CHN1: variants seen among roughly 807,000 people sequenced by gnomAD.
The protein encoded by CHN1 is N-chimaerin.
A neutral mutation model predicts 59.5 loss-of-function variants in CHN1; 37 were observed. The observed-to-expected ratio is 0.62, with a 90% CI of 0.48 to 0.82. CHN1 has a LOEUF of 0.82. Ranked by LOEUF, CHN1 falls within the 40% of genes least tolerant of loss-of-function variation. CHN1 has a pLI of 0.00. For missense variants in CHN1, 469 were observed against 571.0 expected (o/e 0.82, Z 1.82); for synonymous variants, 206 against 200.4 (o/e 1.03, Z -0.24).
chr2:174,940,533 G>GT (rs35144073), intron 3 of CHN1, among the ~76,000 whole-genome samples: 15,237 of 147,168 alleles, frequency 0.1, 1,649 homozygotes, highest in African/African-American at 0.28. Context: ...TCCCACCACT[G>GT]TTTTTTTTTT....
intron 1 of CHN1, among the ~76,000 whole-genome samples, chr2:174,967,466 C>T (rs1690627642): frequency 6.6e-6 from 1 of 152,102 alleles, no homozygotes. Flanking sequence ...AAATAATATG[C>T]TTGATGAACA....
At chr2:174,915,371 G>C (rs954529952) in intron 4 of CHN1, 200 bp from the exon 5 acceptor site, 38 of 563,470 alleles carry the variant, frequency 6.7e-5, no homozygotes, top group Non-Finnish European at 1.1e-4. Context: ...GTGGTGATAA[G>C]AACAGCACCA....
intron 3 of CHN1, among the ~76,000 whole-genome samples, chr2:174,933,908 T>C (rs1354261277): frequency 6.6e-6 from 1 of 152,282 alleles, no homozygotes; most frequent in South Asian, 2.1e-4. Flanking sequence ...GATGTGACAG[T>C]GGAAGTTTGT....
In CHN1 at chr2:174,917,203, C is replaced by T. The variant is rs1237881473; in HGVS notation, c.146+1331G>A. Among the ~76,000 whole-genome samples the T allele has an allele frequency of 2.6e-5, 4 of 152,094 alleles. No homozygotes were observed. The East Asian group carries it at 7.7e-4, about 29-fold the overall frequency. On this transcript the variant is annotated intron_variant, in intron 4 of 12. Coordinates refer to ENST00000409900, the MANE Select transcript of CHN1 (RefSeq NM_001822.7). ...ATCCCAACACTTTGGGAAGCTGAGACGGGTGGATCACCTGAGGTCAAGAGT... is the reference window on the plus strand; with the variant it reads ...ATCCCAACACTTTGGGAAGCTGAGATGGGTGGATCACCTGAGGTCAAGAGT...
intron 10 of CHN1, among the ~76,000 whole-genome samples, chr2:174,810,588 G>C (rs977102975): frequency 6.6e-6 from 1 of 152,156 alleles, no homozygotes; most frequent in Non-Finnish European, 1.5e-5. Context: ...CATTCAATCT[G>C]GCAGGGATTC....
chr2:174,824,375 A>G, intron 8 of CHN1, 59 bp downstream of exon 8: 21 of 1,171,510 alleles, frequency 1.8e-5, no homozygotes, highest in South Asian at 2.8e-5. Context: ...GTCTCCTTCT[A>G]CCTCACCTCT....
intron 8 of CHN1, among the ~76,000 whole-genome samples, chr2:174,815,044 T>C (rs574363608): frequency 1.3e-5 from 2 of 152,286 alleles, no homozygotes; most frequent in South Asian, 2.1e-4. Context: ...ACCTTTGTTA[T>C]GGTCCCACTG....
intron 1 of CHN1, among the ~76,000 whole-genome samples, chr2:174,991,124 C>T (rs1189096844): frequency 6.6e-6 from 1 of 152,174 alleles, no homozygotes; most frequent in Non-Finnish European, 1.5e-5. Context: ...GACATCTATT[C>T]AGCAACCTTC....
intron 5 of CHN1, among the ~76,000 whole-genome samples, chr2:174,910,946 T>C (rs1372098398): frequency 6.6e-6 from 1 of 150,904 alleles, no homozygotes; most frequent in Non-Finnish European, 1.5e-5. Flanking sequence ...TATCAAATAT[T>C]TAAAAGATCA....
chr2:174,856,121 C>A (rs1452151668), intron 6 of CHN1, among the ~76,000 whole-genome samples: 1 of 152,082 alleles, frequency 6.6e-6, no homozygotes, highest in African/African-American at 2.4e-5. Flanking sequence ...ATTCAACAAT[C>A]AAGCAAAATT....
intron 5 of CHN1, among the ~76,000 whole-genome samples, chr2:174,895,629 A>G (rs77438201): frequency 0.042 from 6,328 of 152,248 alleles, 462 homozygotes; most frequent in African/African-American, 0.14. Flanking sequence ...AGACAAGTTA[A>G]TAACTGCCCT....
chr2:174,878,920 C>G (rs2105334736), intron 5 of CHN1, among the ~76,000 whole-genome samples: 1 of 152,202 alleles, frequency 6.6e-6, no homozygotes, highest in African/African-American at 2.4e-5. Flanking sequence ...TGCAGCAGAC[C>G]TCAGAAATGG....
intron 5 of CHN1, among the ~76,000 whole-genome samples, chr2:174,903,396 C>A (rs941422926): frequency 2.0e-5 from 3 of 152,166 alleles, no homozygotes; most frequent in Admixed American, 6.5e-5. Flanking sequence ...CAGTTAGCCA[C>A]TCCTTAATGA....
chr2:174,983,431 C>T (rs1208476520), intron 1 of CHN1, among the ~76,000 whole-genome samples: 1 of 151,920 alleles, frequency 6.6e-6, no homozygotes, highest in Non-Finnish European at 1.5e-5. Context: ...GCCAAAAAAA[C>T]CCAGGGAGGT....
intron 1 of CHN1, among the ~76,000 whole-genome samples, chr2:175,001,190 G>T (rs968737232): frequency 6.6e-6 from 1 of 152,216 alleles, no homozygotes; most frequent in South Asian, 2.1e-4. Flanking sequence ...GAAAAAGGCA[G>T]ATGAGCTCAC....
chr2:174,799,040 G>T lies in CHN1; in HGVS notation c.*1076C>A, dbSNP rs1684631896. Among the ~76,000 whole-genome samples, 1 of 152,216 alleles carries T rather than the reference G, an allele frequency of 6.6e-6. No individual in the cohort carries two copies. Among genetic ancestry groups the T allele is most frequent in the Non-Finnish European group, 1.5e-5 (1 of 68,048 alleles). Reference sequence around the variant, plus strand: ...TGGGGCTCATCTCTCAGGCAGCATTGTCAGCTCAATGCATGTTGATGTCAT... The same window carrying T: ...TGGGGCTCATCTCTCAGGCAGCATTTTCAGCTCAATGCATGTTGATGTCAT... On this transcript the variant is annotated 3_prime_UTR_variant, in exon 13 of 13. Transcript: ENST00000409900.
In CHN1 at chr2:174,915,064, G is replaced by A; in HGVS notation, c.254C>T (p.Ala85Val). 2 of 1,608,486 alleles carry A rather than the reference G, an allele frequency of 1.2e-6. No individual in the cohort carries two copies. Among genetic ancestry groups the A allele is most frequent in the Non-Finnish European group, 1.7e-6 (2 of 1,176,952 alleles). Residue 85 changes from alanine (A) to valine (V), a missense_variant, in exon 5 of 13, where the codon GCT (alanine) becomes GTT (valine). By Grantham distance (64) the Ala-to-Val change is moderately conservative (BLOSUM62 0). Transcript: ENST00000409900. ...TTGCAGGCCCATGACCAACCTTAAAGCCAAAGTGTAGGTCCCTGGCTGCCG... is the reference window on the plus strand; with the variant it reads ...TTGCAGGCCCATGACCAACCTTAAAACCAAAGTGTAGGTCCCTGGCTGCCG... ...SQRQPGTYTL[A>V]LRFGSQTRNF...
At chr2:174,953,868 A>T (rs1269240070) in intron 1 of CHN1, among the ~76,000 whole-genome samples, 3 of 152,146 alleles carry the variant, frequency 2.0e-5, no homozygotes, top group Non-Finnish European at 4.4e-5. Context: ...CCATACTACC[A>T]AAAGTAATCT....
At chr2:174,864,096 T>TA (rs1333085079) in intron 6 of CHN1, among the ~76,000 whole-genome samples, 1 of 152,216 alleles carries the variant, frequency 6.6e-6, no homozygotes, top group Non-Finnish European at 1.5e-5. Context: ...CAAACTGTGT[T>TA]AAAGACCTGA....
Sources: gnomAD v4.1 joint callset for allele counts (sites outside exome capture counted in the v4.1 genomes callset) on GRCh38, gnomAD v4.1.1 for gene constraint, MANE v1.5 for transcripts, NCBI Gene and HGNC (gene_info 2026-07-23, HGNC 2026-07-21) for gene names.